The following EPPK1 variants were observed in gnomAD, a reference collection of about 807,000 sequenced individuals.
The protein encoded by EPPK1 is epiplakin 1.
For synonymous variants in EPPK1, 1,862 were observed against 1,721.2 expected, an observed-to-expected ratio of 1.08 and a Z score of -2.03; for missense variants, 3,823 against 3,673.3, an observed-to-expected ratio of 1.04 and a Z score of -1.05.
chr8:143,858,070 T>C lies in EPPK1; in HGVS notation c.15184A>G (p.Asn5062Asp). Residue 5062 changes from asparagine (N) to aspartate (D), a missense_variant, in exon 2 of 2, where the codon AAC becomes GAC. By Grantham distance (23) the Asn-to-Asp change is conservative. Coordinates refer to ENST00000615648, the MANE Select transcript of EPPK1 (RefSeq NM_031308.4). ...KGFFDPNTHE[N>D]LTYLQLLQRA... ...TGCAGAAGCTGCAGGTACGTGAGGT[T>C]CTCGTGCGTGTTGGGGTCGAAGAAG... The C allele has an allele frequency of 6.2e-7, 1 of 1,613,454 alleles. No individual in the cohort carries two copies. Among genetic ancestry groups the C allele is most frequent in the South Asian group, 1.1e-5 (1 of 91,082 alleles).
chr8:143,871,607 G>A lies in EPPK1; in HGVS notation c.1647C>T (p.Leu549=), dbSNP rs546928622. 1.9e-5 allele frequency: 30 copies of A among 1,607,956 alleles called. No individual in the cohort carries two copies. Among genetic ancestry groups the A allele is most frequent in the African/African-American group, 8.0e-5 (6 of 74,874 alleles). ...EKLAAKLSAT[L]EQAAATARVT... ...CCCTGGCAGTGGCTGCAGCCTGCTC[G>A]AGGGTGGCGCTCAGCTTAGCGGCCA... The change falls in exon 2 of 2, where the codon CTC becomes CTT. Residue 549 remains leucine, a synonymous_variant. Coordinates refer to ENST00000615648, the MANE Select transcript of EPPK1 (RefSeq NM_031308.4).
rs1388099376 is a variant in EPPK1 at position 143,867,633 on chromosome 8, C to CG, written c.5620dup (p.Arg1874ProfsTer42). 6.2e-7 allele frequency: 1 copy of CG among 1,613,250 alleles called. No individual in the cohort carries two copies. The highest frequency in any genetic ancestry group is 1.3e-5 in the African/African-American group (1 of 74,936). On this transcript the variant is annotated frameshift_variant, in exon 2 of 2. Coordinates refer to ENST00000615648, the MANE Select transcript of EPPK1 (RefSeq NM_031308.4). LOFTEE classifies it low-confidence loss of function (END_TRUNC). ...TGCCTGTCCCCCAGTCCTCCCCACA[C>CG]GAAGTGTGTGCAGGGTCTTCTGATC...
At chr8:143,878,547 A>T (rs1289043005), upstream of EPPK1, 2 of 123,556 alleles carry the variant, frequency 1.6e-5, no homozygotes, top group Admixed American at 7.9e-5. Flanking sequence ...CGGGGCCCCG[A>T]CGCGGGGCGG....
At chr8:143,875,777 T>G (rs782401660) in intron 1 of EPPK1, among the ~76,000 whole-genome samples, 6 of 152,234 alleles carry the variant, frequency 3.9e-5, no homozygotes, top group Non-Finnish European at 7.3e-5. Context: ...TAGGAATCAC[T>G]TCCTGAAGGC....
At position 143,868,636 on chromosome 8, in the gene EPPK1, TG is replaced by T. The variant is rs1819224771; in HGVS notation, c.4617del (p.Ser1540AlafsTer8). The T allele has an allele frequency of 6.3e-7, 1 of 1,593,922 alleles. No homozygotes were observed. Among genetic ancestry groups the T allele is most frequent in the Admixed American group, 1.7e-5 (1 of 57,198 alleles). On this transcript the variant is annotated frameshift_variant, in exon 2 of 2. Coordinates refer to ENST00000615648, the MANE Select transcript of EPPK1 (RefSeq NM_031308.4). LOFTEE classifies it low-confidence loss of function (END_TRUNC). The part of the protein sequence containing the change: ...SARDLFRAQL[I>X]SRKTLDELSQ... The stretch of plus-strand genomic sequence containing the variant: ...CTCAGCTCGTCCAGCGTCTTCCTGC[TG>T]ATCAGCTGCGCCCTGAACAGGTCCC...
In EPPK1 at chr8:143,857,955, G is replaced by C. The variant is rs781819422; in HGVS notation, c.*32C>G. The C allele has an allele frequency of 7.7e-7, 1 of 1,304,506 alleles. No homozygotes were observed. The highest frequency in any genetic ancestry group is 2.6e-5 in the Admixed American group (1 of 39,072). The allele number at this position is 1,304,506 out of a possible 1,614,324, so 80.8% of individuals were successfully genotyped here. The stretch of plus-strand genomic sequence containing the variant: ...ACACAAGTATGCCTCCACTTCTCCA[G>C]AGTTGCAGAAAACTGCACGGAGGAA... On this transcript the variant is annotated 3_prime_UTR_variant, in exon 2 of 2. Coordinates refer to ENST00000615648, the MANE Select transcript of EPPK1 (RefSeq NM_031308.4).
chr8:143,868,328 C>T lies in EPPK1; in HGVS notation c.4926G>A (p.Leu1642=), dbSNP rs782309284. The change falls in exon 2 of 2, where the codon CTG becomes CTA. Residue 1642 remains leucine (L), a synonymous_variant. Transcript: ENST00000615648. ...CGGTGACGGCGCGCTCGGCCGACAG[C>T]AGCTTCACGTAGGTTTCTTTCCCGA... The part of the protein sequence containing the change: ...GMFGKETYVK[L]LSAERAVTGY... 1.2e-5 allele frequency: 20 copies of T among 1,613,060 alleles called. No individual in the cohort carries two copies. Among genetic ancestry groups the T allele is most frequent in the Non-Finnish European group, 1.6e-5 (19 of 1,180,032 alleles).
rs1554660460 is a variant in EPPK1 at position 143,869,666 on chromosome 8, C to A, written c.3588G>T (p.Val1196=). The change falls in exon 2 of 2, where the codon GTG becomes GTT. Residue 1196 remains valine (V), a synonymous_variant. Transcript: ENST00000615648. ...TKLLAQARVM[V]PGPRGEVPAV... is the part of the protein sequence containing the mutation. ...CGGGTACCTCACCCCGTGGGCCGGG[C>A]ACCATGACGCGGGCCTGGGCCAGGA... 9.4e-6 allele frequency: 15 copies of A among 1,595,560 alleles called. No homozygotes were observed. The highest frequency in any genetic ancestry group is 1.3e-5 in the Non-Finnish European group (15 of 1,172,040).
In EPPK1 at chr8:143,868,563, T is replaced by C. The variant is rs2130630637; in HGVS notation, c.4691A>G (p.Lys1564Arg). ...GAAGTTGCCTCCCTCCAGGGACCGC[T>C]TCACGCTGTCCATCTCCGCCACCTC... ...VKEVAEMDSV[K>R]RSLEGGNFIA... The change falls in exon 2 of 2, where the codon AAG (lysine) becomes AGG (arginine). Residue 1564 changes from lysine (K) to arginine (R), a missense_variant. Transcript: ENST00000615648. 1.9e-6 allele frequency: 3 copies of C among 1,604,414 alleles called. No homozygotes were observed. The highest frequency in any genetic ancestry group is 2.6e-6 in the Non-Finnish European group (3 of 1,176,174).
intron 1 of EPPK1, among the ~76,000 whole-genome samples, chr8:143,874,155 G>A (rs1036928403): frequency 1.3e-5 from 2 of 152,128 alleles, no homozygotes; most frequent in Admixed American, 6.5e-5. Context: ...TCCGGCTGCA[G>A]CCCCGGCATG....
chr8:143,872,434 G>A lies in EPPK1; in HGVS notation c.820C>T (p.Arg274Cys), dbSNP rs147805507. 886 of 1,600,074 alleles carry A rather than the reference G, an allele frequency of 5.5e-4. 6 individuals carry two copies. The African/African-American group carries it at 9.2e-3, about 17-fold the overall frequency. ...GRLAAVDVSARAEVRRYLEGT... is the reference protein window; with the variant it reads ...GRLAAVDVSACAEVRRYLEGT... ...TCCAGGTAGCGCCGCACCTCGGCAC[G>A]TGCACTCACGTCCACTGCGGCCAGC... Residue 274 changes from arginine (R) to cysteine (C), a missense_variant, in exon 2 of 2, where the codon CGT becomes TGT. Transcript: ENST00000615648.
rs1554661154 is a variant in EPPK1, at chr8:143,871,439, G to A, written c.1815C>T (p.Tyr605=). Residue 605 remains tyrosine (Y), a synonymous_variant, in exon 2 of 2, where the codon TAC becomes TAT. Transcript: ENST00000615648. The part of the protein sequence containing the change: ...DVGSLASVQR[Y]LQGTGCIAGL... ...CAGCAATGCAGCCCGTACCCTGCAG[G>A]TACCTCTGCACCGAGGCCAGGCTGC... The A allele has an allele frequency of 3.1e-6, 5 of 1,605,594 alleles. No individual in the cohort carries two copies. In the South Asian group the frequency reaches 5.6e-5, roughly 18 times the overall value.
Position 143,873,060 on chromosome 8 carries a change from A to T in EPPK1, c.194T>A (p.Leu65His), listed in dbSNP as rs200139141. The change falls in exon 2 of 2, where the codon CTC becomes CAC. Residue 65 changes from leucine (L) to histidine (H), a missense_variant. Leu to His is a moderately conservative substitution (Grantham distance 99). Transcript: ENST00000615648. ...QSVYAAMEQG[L>H]LPAGLGQALL... ...AGCCTGCCCGAGCCCAGCAGGCAGG[A>T]GGCCCTGCTCCATGGCGGCGTAGAC... is the stretch of plus-strand genomic sequence containing the variant. 9.3e-5 allele frequency: 146 copies of T among 1,561,644 alleles called. No individual in the cohort carries two copies. The highest frequency in any genetic ancestry group is 1.8e-4 in the Admixed American group (10 of 54,712).
In EPPK1 at chr8:143,872,588, G is replaced by C. The variant is rs782273480; in HGVS notation, c.666C>G (p.Pro222=). 1.4e-5 allele frequency: 22 copies of C among 1,609,652 alleles called. No homozygotes were observed. The highest frequency in any genetic ancestry group is 1.9e-5 in the Non-Finnish European group (22 of 1,179,362). Residue 222 remains proline (P), a synonymous_variant, in exon 2 of 2, where the codon CCC becomes CCG. Transcript: ENST00000615648. ...GGGGCAGCAAGGCTAGCCCCGAGCC[G>C]GGGGCACGCACACACCTTTCCAGCA... is the stretch of plus-strand genomic sequence containing the variant. ...HQLLERCVRA[P]GSGLALLPLK...
In EPPK1 at chr8:143,866,759, C is replaced by T. The variant is rs373872149; in HGVS notation, c.6495G>A (p.Gln2165=). Residue 2165 remains glutamine (Q), a synonymous_variant, in exon 2 of 2, where the codon CAG becomes CAA. Coordinates refer to ENST00000615648, the MANE Select transcript of EPPK1 (RefSeq NM_031308.4). ...ACCACAGGTGTTTGTTGCTGGTTTCCTGCTTCTCGATCAACTCTAAGATGA... is the reference window on the plus strand; with the variant it reads ...ACCACAGGTGTTTGTTGCTGGTTTCTTGCTTCTCGATCAACTCTAAGATGA... ...AQLILELIEK[Q]ETSNKHLWFQ... is the part of the protein sequence containing the mutation. 11 of 1,613,402 alleles carry T rather than the reference C, an allele frequency of 6.8e-6. No homozygotes were observed. Among genetic ancestry groups the T allele is most frequent in the Non-Finnish European group, 5.9e-6 (7 of 1,179,886 alleles).
rs1819284526 is a variant in EPPK1 at position 143,869,985 on chromosome 8, T to C, written c.3269A>G (p.Gln1090Arg). ...SSETFPTPDG[Q>R]GRTSYAQLLE... ...GAGCTGGGCATAGCTCGTGCGCCCC[T>C]GGCCGTCCGGTGTGGGGAAGGTTTC... is the stretch of plus-strand genomic sequence containing the variant. Residue 1090 changes from glutamine (Q) to arginine (R), a missense_variant, in exon 2 of 2, where the codon CAG becomes CGG. Physicochemically the swap from Gln to Arg is conservative, Grantham distance 43. Transcript: ENST00000615648. 3.7e-6 allele frequency: 6 copies of C among 1,607,336 alleles called. No homozygotes were observed. Among genetic ancestry groups the C allele is most frequent in the Admixed American group, 1.7e-5 (1 of 59,466 alleles).
intron 1 of EPPK1, among the ~76,000 whole-genome samples, chr8:143,875,520 G>T (rs928304272): frequency 6.6e-6 from 1 of 152,260 alleles, no homozygotes; most frequent in Non-Finnish European, 1.5e-5. Context: ...CAGCTGTCCC[G>T]AGGGACCGTG....
intron 1 of EPPK1, among the ~76,000 whole-genome samples, chr8:143,875,425 A>G (rs1299347100): frequency 1.3e-5 from 2 of 152,214 alleles, no homozygotes; most frequent in Non-Finnish European, 2.9e-5. Flanking sequence ...AGAGCCTCAG[A>G]CACGGAGCTG....
In EPPK1 at chr8:143,871,114, C is replaced by T. The variant is rs373498071; in HGVS notation, c.2140G>A (p.Glu714Lys). 6.2e-7 allele frequency: 1 copy of T among 1,613,210 alleles called. No individual in the cohort carries two copies. Among genetic ancestry groups the T allele is most frequent in the Non-Finnish European group, 8.5e-7 (1 of 1,180,020 alleles). Residue 714 changes from glutamate (E) to lysine (K), a missense_variant, in exon 2 of 2, where the codon GAG becomes AAG. Physicochemically the swap from Glu to Lys is moderately conservative, Grantham distance 56. Transcript: ENST00000615648. ...GCCTCCAGCAGGCGGATGCCGTGCTCCCGGACGATGAGGCCCTTCTGCATG... is the reference window on the plus strand; with the variant it reads ...GCCTCCAGCAGGCGGATGCCGTGCTTCCGGACGATGAGGCCCTTCTGCATG... ...QAMQKGLIVR[E>K]HGIRLLEAQI...
Sources: gnomAD v4.1 joint callset for allele counts (sites outside exome capture counted in the v4.1 genomes callset) on GRCh38, gnomAD v4.1.1 for gene constraint, MANE v1.5 for transcripts, NCBI Gene and HGNC (gene_info 2026-07-23, HGNC 2026-07-21) for gene names.